The following ZGRF1 variants were observed in gnomAD, a reference collection of about 807,000 sequenced individuals.
ZGRF1 encodes 5'-3' DNA helicase ZGRF1.
ZGRF1 carries 196 observed loss-of-function variants against 203.5 expected under a neutral mutation model. That is an observed-to-expected ratio of 0.96 (90% CI 0.86 to 1.08). The LOEUF (loss-of-function observed/expected upper bound fraction) is 1.08. Ranked by LOEUF, ZGRF1 falls within the 50% of genes least tolerant of loss-of-function variation. The pLI is 0.00. For missense variants in ZGRF1, 2,326 were observed against 2,416.3 expected (o/e 0.96, Z 0.78); for synonymous variants, 809 against 841.3 (o/e 0.96, Z 0.66).
intron 9 of ZGRF1, among the ~76,000 whole-genome samples, chr4:112,604,223 C>CAAAA (rs35629278): frequency 7.2e-6 from 1 of 138,062 alleles, no homozygotes. Flanking sequence ...GATTCCATCT[C>CAAAA]AAAAAAAAAA....
At chr4:112,606,269 C>T (rs1158374723) in intron 8 of ZGRF1, among the ~76,000 whole-genome samples, 178 bp from the exon 9 acceptor site, 1 of 152,222 alleles carries the variant, frequency 6.6e-6, no homozygotes, top group African/African-American at 2.4e-5. Context: ...CAAAGGGGTA[C>T]TTTAGCAGGT....
At position 112,554,750 on chromosome 4, in the gene ZGRF1, C is replaced by G; in HGVS notation, c.5153G>C (p.Arg1718Thr). ...GGCAATCTTCCTAACACTCCCAACT[C>G]TGATAAAGTTTTCAAATCCAAGACT... ...LLSLGFENFI[R>T]VGSVRKIAKP... is the part of the protein sequence containing the mutation. Residue 1718 changes from arginine to threonine, a missense_variant, in exon 21 of 28, where the codon AGA (arginine) becomes ACA (threonine). Coordinates refer to ENST00000505019, the MANE Select transcript of ZGRF1 (RefSeq NM_018392.5). 6.5e-7 allele frequency: 1 copy of G among 1,544,578 alleles called. No individual in the cohort carries two copies. Among genetic ancestry groups the G allele is most frequent in the Non-Finnish European group, 8.8e-7 (1 of 1,140,770 alleles).
At chr4:112,629,947 A>G (rs2047352396) in intron 3 of ZGRF1, 1 of 336,488 alleles carries the variant, frequency 3.0e-6, no homozygotes, top group Non-Finnish European at 6.1e-6. Flanking sequence ...TGAACCTTGG[A>G]TGCAGAGGTT....
At chr4:112,543,136 C>T (rs1040632473) in intron 24 of ZGRF1, among the ~76,000 whole-genome samples, 5 of 152,128 alleles carry the variant, frequency 3.3e-5, no homozygotes, top group Non-Finnish European at 7.4e-5. Flanking sequence ...ACTTACCACC[C>T]AGACTTGACA....
intron 3 of ZGRF1, among the ~76,000 whole-genome samples, chr4:112,629,005 T>C (rs935263858): frequency 6.6e-6 from 1 of 152,228 alleles, no homozygotes; most frequent in Non-Finnish European, 1.5e-5. Flanking sequence ...GACTTGAACA[T>C]AGCGATATTA....
chr4:112,620,111 A>G lies in ZGRF1; in HGVS notation c.242T>C (p.Ile81Thr), dbSNP rs149060494. The G allele has an allele frequency of 1.0e-4, 165 of 1,613,650 alleles. No homozygotes were observed. The African/African-American group carries it at 2.0e-3, about 20-fold the overall frequency. Residue 81 changes from isoleucine to threonine, a missense_variant, in exon 5 of 28, where the codon ATT becomes ACT. Transcript: ENST00000505019. ...EEVKVAGAIGIVKQNVNKEAP... is the reference protein window; with the variant it reads ...EEVKVAGAIGTVKQNVNKEAP... ...TTCTTTATTGACATTCTGCTTAACA[A>G]TACCTATGGCTCCAGCAACTTTAAC... is the stretch of plus-strand genomic sequence containing the variant.
At position 112,625,679 on chromosome 4, in the gene ZGRF1, CT is replaced by C. The variant is rs537797261; in HGVS notation, c.103-1804del. Among the ~76,000 whole-genome samples the C allele has an allele frequency of 2.0e-5, 3 of 151,298 alleles. No homozygotes were observed. In the East Asian group the frequency reaches 5.8e-4, roughly 29 times the overall value. On this transcript the variant is annotated intron_variant, in intron 3 of 27. Coordinates refer to ENST00000505019, the MANE Select transcript of ZGRF1 (RefSeq NM_018392.5). ...TGGGAGGCTGAGGCGGGCAGATCAC[CT>C]GAGGTCAGGAGTTCGAGACCAGCCT...
Position 112,585,687 on chromosome 4 carries a change from G to C in ZGRF1, c.3955C>G (p.Leu1319Val). Residue 1319 changes from leucine (L) to valine (V), a missense_variant, in exon 14 of 28, where the codon CTG (leucine) becomes GTG (valine). Transcript: ENST00000505019. ...TCAACTTTTGAAAGAGCTTTCTGCA[G>C]GTTTTGTGCTAACCCAAACAGCAAT... The part of the protein sequence containing the change: ...NILLFGLAQN[L>V]QKALSKVDIS... 1 of 1,603,886 alleles carries C rather than the reference G, an allele frequency of 6.2e-7. No homozygotes were observed. The highest frequency in any genetic ancestry group is 8.5e-7 in the Non-Finnish European group (1 of 1,175,690).
At chr4:112,594,706 G>GC (rs1578392223) in intron 10 of ZGRF1, among the ~76,000 whole-genome samples, 1 of 151,752 alleles carries the variant, frequency 6.6e-6, no homozygotes, top group East Asian at 1.9e-4. Flanking sequence ...GCCCACCTCA[G>GC]CCCCCCAAAG....
intron 10 of ZGRF1, among the ~76,000 whole-genome samples, chr4:112,598,743 A>G (rs1578404080): frequency 6.6e-6 from 1 of 152,290 alleles, no homozygotes; most frequent in Non-Finnish European, 1.5e-5. Flanking sequence ...AAATTAAAAC[A>G]TTTAATTTTA....
chr4:112,627,607 G>T (rs771041491), intron 3 of ZGRF1, among the ~76,000 whole-genome samples: 1 of 152,154 alleles, frequency 6.6e-6, no homozygotes, highest in Non-Finnish European at 1.5e-5. Context: ...AAGTGTGGTG[G>T]CACATGCTTG....
Position 112,585,739 on chromosome 4 carries a change from A to T in ZGRF1, c.3917-14T>A. ...TATTTAGATGTTCTACAAAAAAAAA[A>T]AAAAGAGAGCAGAAAATTAAATACA... is the stretch of plus-strand genomic sequence containing the variant. On this transcript the variant is annotated splice_polypyrimidine_tract_variant and intron_variant, in intron 13 of 27. Coordinates refer to ENST00000505019, the MANE Select transcript of ZGRF1 (RefSeq NM_018392.5). 6.5e-7 allele frequency: 1 copy of T among 1,538,488 alleles called. No homozygotes were observed. The highest frequency in any genetic ancestry group is 8.7e-7 in the Non-Finnish European group (1 of 1,148,916).
At position 112,556,870 on chromosome 4, in the gene ZGRF1, C is replaced by T. The variant is rs537298261; in HGVS notation, c.5120+1280G>A. On this transcript the variant is annotated intron_variant, in intron 20 of 27. Transcript: ENST00000505019. The stretch of plus-strand genomic sequence containing the variant: ...TAAAAATTAATTTTTAAAAAGCTTA[C>T]GCTTAGAAATAATGACTGTTTCTCC... 5.3e-5 allele frequency among the ~76,000 whole-genome samples: 8 copies of T among 152,178 alleles called. No individual in the cohort carries two copies. The South Asian group carries it at 1.5e-3, about 28-fold the overall frequency.
intron 10 of ZGRF1, among the ~76,000 whole-genome samples, chr4:112,600,490 G>A (rs1200692979): frequency 6.6e-6 from 1 of 152,060 alleles, no homozygotes; most frequent in East Asian, 1.9e-4. Context: ...TCAGGAGTTC[G>A]AGTCCTGCCT....
At chr4:112,623,687 A>G (rs1464367887) in intron 4 of ZGRF1, 130 bp downstream of exon 4, 5 of 596,586 alleles carry the variant, frequency 8.4e-6, no homozygotes, top group Non-Finnish European at 1.5e-5. Context: ...TTTAGCACAA[A>G]GTCTAGCTAT....
intron 4 of ZGRF1, among the ~76,000 whole-genome samples, chr4:112,622,883 T>C (rs547919732): frequency 6.6e-6 from 1 of 152,290 alleles, no homozygotes; most frequent in South Asian, 2.1e-4. Flanking sequence ...GGTAAACCCG[T>C]GTCATGGCGG....
chr4:112,595,225 A>G (rs1039887978), intron 10 of ZGRF1, among the ~76,000 whole-genome samples: 1 of 152,236 alleles, frequency 6.6e-6, no homozygotes, highest in Non-Finnish European at 1.5e-5. Context: ...ACATGTGCAA[A>G]TGTATGCAAA....
rs1344102409 is a variant in ZGRF1, at chr4:112,579,983, G to C, written c.4438+1680C>G. Among the ~76,000 whole-genome samples the C allele has an allele frequency of 1.6e-5, 2 of 122,918 alleles. 1 individual carries two copies. Among genetic ancestry groups the C allele is most frequent in the Non-Finnish European group, 3.6e-5 (2 of 55,090 alleles). The allele number at this position is 122,918 out of a possible 152,430, so 80.6% of individuals were successfully genotyped here. On this transcript the variant is annotated intron_variant, in intron 16 of 27. Coordinates refer to ENST00000505019, the MANE Select transcript of ZGRF1 (RefSeq NM_018392.5). ...TTGCTAAGTCGATCCTAAGCCAAAA[G>C]AACAAAGCTGGAGGCATCACGCTAC...
intron 21 of ZGRF1, among the ~76,000 whole-genome samples, chr4:112,554,427 G>A (rs779509050): frequency 1.3e-5 from 2 of 152,096 alleles, no homozygotes; most frequent in Non-Finnish European, 2.9e-5. Context: ...TTGGAACCAA[G>A]CCAAATGCCC....
Sources: gnomAD v4.1 joint callset for allele counts (sites outside exome capture counted in the v4.1 genomes callset) on GRCh38, gnomAD v4.1.1 for gene constraint, MANE v1.5 for transcripts, NCBI Gene and HGNC (gene_info 2026-07-23, HGNC 2026-07-21) for gene names.